Variants in SV2B observed in about 807,000 individuals in gnomAD.
SV2B encodes solute carrier family 22 member B2.
Under a neutral mutation model 73.9 loss-of-function variants are expected in SV2B, and 41 were observed. The ratio of observed to expected loss-of-function variants is 0.56; its 90% CI spans 0.43 to 0.72. The LOEUF (loss-of-function observed/expected upper bound fraction) is 0.72, where lower values mean the gene tolerates loss of function less well. SV2B is among the 30% of genes least tolerant of loss of function. SV2B has a pLI of 0.00. For missense variants in SV2B, 764 were observed against 857.8 expected (o/e 0.89, Z 1.37); for synonymous variants, 314 against 314.2 (o/e 1.00, Z 0.01).
rs1156966367 is a variant in SV2B at position 91,154,945 on chromosome 15, A to G, written c.-392+54582A>G. Among the ~76,000 whole-genome samples the G allele has an allele frequency of 2.6e-5, 4 of 152,310 alleles. No homozygotes were observed. The East Asian group carries it at 7.7e-4, about 29-fold the overall frequency. ...TGTGAGCAGGATGACTGAGTAAACA[A>G]GTAAACTTGTTTACTGATGACTCAG... On this transcript the variant is annotated intron_variant, in intron 1 of 12. Transcript: ENST00000394232.
chr15:91,219,949 G>A (rs1373399788), intron 1 of SV2B, among the ~76,000 whole-genome samples: 1 of 152,208 alleles, frequency 6.6e-6, no homozygotes, highest in East Asian at 1.9e-4. Context: ...GTTTGTATCA[G>A]TAATTTGTTT....
At position 91,214,673 on chromosome 15, in the gene SV2B, CGA is replaced by C. The variant is rs1312491350; in HGVS notation, c.-391-11199_-391-11198del. On this transcript the variant is annotated intron_variant, in intron 1 of 12. Transcript: ENST00000394232. The surrounding 1 kb of genome is among the most constrained non-coding windows in gnomAD (Gnocchi z 4.7). ...GAAATATCATTAACAATTGTTTTCC[CGA>C]TGAAATCAAAACGAAGTAGGATTGG... is the stretch of plus-strand genomic sequence containing the variant. 6.6e-6 allele frequency among the ~76,000 whole-genome samples: 1 copy of C among 152,176 alleles called. No homozygotes were observed. The highest frequency in any genetic ancestry group is 1.5e-5 in the Non-Finnish European group (1 of 68,028).
chr15:91,254,384 G>C (rs1227813751), intron 4 of SV2B, among the ~76,000 whole-genome samples: 18 of 151,982 alleles, frequency 1.2e-4, no homozygotes, highest in Admixed American at 6.6e-5. Context: ...TTACAGGTGT[G>C]TGCCACCACA....
chr15:91,277,935 T>G (rs558283299), intron 9 of SV2B, among the ~76,000 whole-genome samples: 1 of 152,172 alleles, frequency 6.6e-6, no homozygotes, highest in Non-Finnish European at 1.5e-5. Context: ...GAGTGAAGTA[T>G]CGTGATTTCA....
chr15:91,181,408 A>C (rs999141673), intron 1 of SV2B, among the ~76,000 whole-genome samples: 3 of 152,008 alleles, frequency 2.0e-5, no homozygotes, highest in Non-Finnish European at 4.4e-5. Context: ...GCTGGGAGAA[A>C]CACTGCTCTC....
intron 1 of SV2B, among the ~76,000 whole-genome samples, chr15:91,120,154 A>C (rs2042290810): frequency 6.6e-6 from 1 of 152,206 alleles, no homozygotes; most frequent in South Asian, 2.1e-4. Flanking sequence ...GAGACTGGGA[A>C]ATTTATGAAG....
At chr15:91,217,490 A>G (rs2046073937) in intron 1 of SV2B, among the ~76,000 whole-genome samples, 1 of 152,196 alleles carries the variant, frequency 6.6e-6, no homozygotes, top group Non-Finnish European at 1.5e-5. Context: ...GGTGCAGCAC[A>G]CCAACATGGC....
At chr15:91,244,563 C>T (rs556857198) in intron 2 of SV2B, among the ~76,000 whole-genome samples, 122 of 152,334 alleles carry the variant, frequency 8.0e-4, no homozygotes, top group Middle Eastern at 3.4e-3. Flanking sequence ...ATAAACAAAG[C>T]ACCTGGCTGA....
At position 91,123,551 on chromosome 15, in the gene SV2B, G is replaced by T. The variant is rs1449137712; in HGVS notation, c.-392+23188G>T. On this transcript the variant is annotated intron_variant, in intron 1 of 12. Transcript: ENST00000394232. The surrounding 1 kb of genome is among the most constrained non-coding windows in gnomAD (Gnocchi z 4.7). Reference sequence around the variant, plus strand: ...GGAGAACTTAGGGAGACGGGATCTGGTTCCATTCATGCAGTAAAAACTCCA... The same window carrying T: ...GGAGAACTTAGGGAGACGGGATCTGTTTCCATTCATGCAGTAAAAACTCCA... Among the ~76,000 whole-genome samples the T allele has an allele frequency of 6.6e-6, 1 of 152,148 alleles. No individual in the cohort carries two copies. Among genetic ancestry groups the T allele is most frequent in the Non-Finnish European group, 1.5e-5 (1 of 68,028 alleles).
chr15:91,218,243 G>C (rs2046100425), intron 1 of SV2B, among the ~76,000 whole-genome samples: 1 of 152,202 alleles, frequency 6.6e-6, no homozygotes, highest in Non-Finnish European at 1.5e-5. Flanking sequence ...TGAGCTGGGG[G>C]AATTTACCAA....
At position 91,289,587 on chromosome 15, in the gene SV2B, T is replaced by C; in HGVS notation, c.1775T>C (p.Met592Thr). ...TTTTTTGGCAACAGTGAGTCTGCAATGATCGGCTGGCAGTGCCTGTTCTGT... is the reference window on the plus strand; with the variant it reads ...TTTTTTGGCAACAGTGAGTCTGCAACGATCGGCTGGCAGTGCCTGTTCTGT... The part of the protein sequence containing the change: ...FLFFGNSESA[M>T]IGWQCLFCGT... The change falls in exon 12 of 13, where the codon ATG becomes ACG. Residue 592 changes from methionine (M) to threonine (T), a missense_variant. Transcript: ENST00000394232. The surrounding 1 kb of genome is among the most constrained non-coding windows in gnomAD (Gnocchi z 4.9). 6.2e-7 allele frequency: 1 copy of C among 1,614,250 alleles called. No homozygotes were observed.
intron 1 of SV2B, among the ~76,000 whole-genome samples, chr15:91,184,807 T>G (rs774810824): frequency 9.2e-5 from 14 of 152,256 alleles, no homozygotes; most frequent in African/African-American, 7.2e-5. Flanking sequence ...AAATGCTGGT[T>G]TAAAAACTCT....
chr15:91,155,505 G>A (rs528049554), intron 1 of SV2B, among the ~76,000 whole-genome samples: 1 of 152,262 alleles, frequency 6.6e-6, no homozygotes, highest in African/African-American at 2.4e-5. Flanking sequence ...TATAGATTTT[G>A]CTTCCTGGCC....
intron 7 of SV2B, 42 bp downstream of exon 7, chr15:91,266,734 G>C (rs2048118148): frequency 1.3e-6 from 2 of 1,496,388 alleles, no homozygotes; most frequent in African/African-American, 1.4e-5. Context: ...GCGTCTCTAT[G>C]GGAGTCTCTT....
intron 1 of SV2B, among the ~76,000 whole-genome samples, chr15:91,199,196 T>C (rs1208623549): frequency 1.3e-5 from 2 of 152,104 alleles, no homozygotes. Flanking sequence ...ATGTAAACTA[T>C]AGAGAGTAAA....
rs2042337011 is a variant in SV2B at position 91,121,589 on chromosome 15, G to A, written c.-392+21226G>A. On this transcript the variant is annotated intron_variant, in intron 1 of 12. Transcript: ENST00000394232. This position sits in a 1 kb window ranked among gnomAD's most constrained non-coding sequence, Gnocchi z 4.4. ...GGTAGACTTGACATGTGGGCAAACC[G>A]AGCAGGGCACCCATTAGCTGGAAGG... Among the ~76,000 whole-genome samples, 3 of 151,600 alleles carry A rather than the reference G, an allele frequency of 2.0e-5. No homozygotes were observed. In the South Asian group the frequency reaches 6.3e-4, roughly 32 times the overall value.
chr15:91,297,287 C>G lies in SV2B; in HGVS notation c.*4735C>G, dbSNP rs2049286505. ...AAGGGCAATGGGCAAAGGGGCTGTG[C>G]CTTGCAGCCGATCCAGCCTCCCTTT... On this transcript the variant is annotated 3_prime_UTR_variant, in exon 13 of 13. Transcript: ENST00000394232. The surrounding 1 kb of genome is among the most constrained non-coding windows in gnomAD (Gnocchi z 5.1). The G allele has an allele frequency of 6.6e-6, 1 of 152,258 alleles. No individual in the cohort carries two copies. 9.4% of individuals were successfully genotyped at this position (152,258 alleles called of 1,614,324 possible).
chr15:91,233,760 C>T (rs921326255), intron 2 of SV2B, among the ~76,000 whole-genome samples: 3 of 152,122 alleles, frequency 2.0e-5, no homozygotes, highest in Non-Finnish European at 4.4e-5. Flanking sequence ...GAGGCAGTTG[C>T]CTTGCAAGAC....
rs895102137 is a variant in SV2B, at chr15:91,234,457, G to A, written c.451+7743G>A. Among the ~76,000 whole-genome samples the A allele has an allele frequency of 6.6e-6, 1 of 152,200 alleles. No individual in the cohort carries two copies. The highest frequency in any genetic ancestry group is 1.5e-5 in the Non-Finnish European group (1 of 68,038). On this transcript the variant is annotated intron_variant, in intron 2 of 12. Transcript: ENST00000394232. The surrounding 1 kb of genome is among the most constrained non-coding windows in gnomAD (Gnocchi z 5.6). ...CTCAGTCACCAAAGGCAAGGGGAGT[G>A]TGGTTATTGTAGTGGACAGCAGAGG...
Sources: gnomAD v4.1 joint callset for allele counts (sites outside exome capture counted in the v4.1 genomes callset) on GRCh38, gnomAD v4.1.1 for gene constraint, Gnocchi (gnomAD v3.1) non-coding constraint, MANE v1.5 for transcripts, NCBI Gene and HGNC (gene_info 2026-07-23, HGNC 2026-07-21) for gene names.